The following THSD7A variants were observed in gnomAD, a reference collection of about 807,000 sequenced individuals.
THSD7A encodes the protein thrombospondin type 1 domain containing 7A.
THSD7A carries 96 observed loss-of-function variants against 231.3 expected under a neutral mutation model. The ratio of observed to expected loss-of-function variants is 0.41; its 90% CI spans 0.35 to 0.49. The LOEUF is 0.49. Among genes scored for constraint, THSD7A ranks in the 20% least tolerant of loss-of-function variants. The pLI is 0.05. For synonymous variants in THSD7A, 940 were observed against 743.3 expected (o/e 1.26, Z -4.30); for missense variants, 2,290 against 2,070.2 (o/e 1.11, Z -2.06).
intron 2 of THSD7A, among the ~76,000 whole-genome samples, chr7:11,627,363 A>G (rs1175257985): frequency 6.6e-6 from 1 of 152,066 alleles, no homozygotes; most frequent in African/African-American, 2.4e-5. Context: ...ATGTGTTGGT[A>G]TATAGCCTTA....
chr7:11,697,046 T>A (rs960466147), intron 1 of THSD7A, among the ~76,000 whole-genome samples: 3 of 151,434 alleles, frequency 2.0e-5, no homozygotes, highest in South Asian at 2.1e-4. Context: ...CCAAATTGAT[T>A]GCTATCTCCT....
At chr7:11,465,827 A>G (rs1466714260) in intron 9 of THSD7A, among the ~76,000 whole-genome samples, 1 of 152,286 alleles carries the variant, frequency 6.6e-6, no homozygotes, top group Non-Finnish European at 1.5e-5. Flanking sequence ...ATATTATTTG[A>G]TCAAAAGTAT....
intron 1 of THSD7A, among the ~76,000 whole-genome samples, chr7:11,767,094 T>C (rs1583273115): frequency 6.6e-6 from 1 of 152,176 alleles, no homozygotes; most frequent in East Asian, 1.9e-4. Flanking sequence ...TGCATGTATG[T>C]TTCTGTGTAT....
intron 6 of THSD7A, among the ~76,000 whole-genome samples, chr7:11,520,472 A>G (rs952309846): frequency 1.3e-5 from 2 of 152,154 alleles, no homozygotes; most frequent in African/African-American, 4.8e-5. Flanking sequence ...CTTGACAATT[A>G]TCTCTTATGC....
At chr7:11,520,423 G>C (rs10262713) in intron 6 of THSD7A, among the ~76,000 whole-genome samples, 24,572 of 152,030 alleles carry the variant, frequency 0.16, 2,345 homozygotes, top group African/African-American at 0.27. Context: ...TATAAGTTTT[G>C]ATAGTATGAC....
At chr7:11,431,464 C>A (rs1784475969) in intron 13 of THSD7A, among the ~76,000 whole-genome samples, 1 of 152,050 alleles carries the variant, frequency 6.6e-6, no homozygotes, top group Admixed American at 6.6e-5. Context: ...CTGTTCTTTC[C>A]TAATTGTTGT....
At chr7:11,681,927 A>G (rs573059723) in intron 1 of THSD7A, among the ~76,000 whole-genome samples, 5 of 152,100 alleles carry the variant, frequency 3.3e-5, no homozygotes, top group Non-Finnish European at 7.4e-5. Context: ...CAAACCTTAC[A>G]AGCCAGAAGC....
chr7:11,386,226 A>T (rs1005992649), intron 23 of THSD7A, among the ~76,000 whole-genome samples: 1 of 152,210 alleles, frequency 6.6e-6, no homozygotes, highest in Non-Finnish European at 1.5e-5. Context: ...CTTTATGTAT[A>T]TACCCAGTAA....
At chr7:11,714,083 G>A (rs1007940441) in intron 1 of THSD7A, among the ~76,000 whole-genome samples, 7 of 151,168 alleles carry the variant, frequency 4.6e-5, no homozygotes, top group African/African-American at 1.5e-4. Context: ...ATTTGTTAAT[G>A]AAGGTCACAG....
chr7:11,480,997 T>A (rs74336556), intron 7 of THSD7A, among the ~76,000 whole-genome samples: 316 of 152,326 alleles, frequency 2.1e-3, no homozygotes, highest in African/African-American at 7.2e-3. Flanking sequence ...CATGCCTTAA[T>A]ATGAACAAAC....
intron 1 of THSD7A, among the ~76,000 whole-genome samples, chr7:11,720,775 G>C (rs1182457288): frequency 6.6e-6 from 1 of 151,664 alleles, no homozygotes; most frequent in Non-Finnish European, 1.5e-5. Flanking sequence ...ATGTTCAGCA[G>C]TGTTAGACAT....
At chr7:11,538,026 A>T (rs76305318) in intron 6 of THSD7A, among the ~76,000 whole-genome samples, 10,986 of 152,172 alleles carry the variant, frequency 0.072, 591 homozygotes, top group East Asian at 0.17. Context: ...TTATACTGTA[A>T]CATTAATAGC....
At chr7:11,696,878 C>T (rs1780420043) in intron 1 of THSD7A, among the ~76,000 whole-genome samples, 1 of 151,276 alleles carries the variant, frequency 6.6e-6, no homozygotes, top group South Asian at 2.1e-4. Context: ...TATAATGAAA[C>T]ATGAGTTCAG....
At chr7:11,800,381 T>A (rs1350797295) in intron 1 of THSD7A, among the ~76,000 whole-genome samples, 1 of 152,062 alleles carries the variant, frequency 6.6e-6, no homozygotes, top group Admixed American at 6.6e-5. Context: ...AAACCCTGTC[T>A]CCACTAAAAA....
At chr7:11,824,705 T>A (rs1173316758) in intron 1 of THSD7A, among the ~76,000 whole-genome samples, 4 of 152,096 alleles carry the variant, frequency 2.6e-5, no homozygotes, top group Non-Finnish European at 5.9e-5. Flanking sequence ...TGGTGCTATA[T>A]AAATTACAAA....
chr7:11,407,486 G>A (rs1783626297), intron 19 of THSD7A, 63 bp from the exon 20 acceptor site: 2 of 1,249,436 alleles, frequency 1.6e-6, no homozygotes, highest in Admixed American at 2.0e-5. Context: ...CAGAGAATGA[G>A]GTGACAAGAA....
intron 6 of THSD7A, among the ~76,000 whole-genome samples, chr7:11,505,709 C>G (rs529615693): frequency 3.3e-5 from 5 of 152,184 alleles, no homozygotes; most frequent in African/African-American, 1.2e-4. Flanking sequence ...GGTGTTCAGT[C>G]AATAGGGTTA....
intron 23 of THSD7A, among the ~76,000 whole-genome samples, chr7:11,397,828 T>C (rs534097053): frequency 1.3e-5 from 2 of 152,154 alleles, no homozygotes; most frequent in African/African-American, 2.4e-5. Context: ...ATTAGAGAAA[T>C]GCAAATCAAA....
intron 17 of THSD7A, among the ~76,000 whole-genome samples, chr7:11,415,746 T>G (rs1282671535): frequency 6.6e-6 from 1 of 152,194 alleles, no homozygotes; most frequent in African/African-American, 2.4e-5. Flanking sequence ...TGAACACCTC[T>G]TCAGAAAACC....
Sources: allele counts gnomAD v4.1 joint callset (sites outside exome capture counted in the v4.1 genomes callset), GRCh38; gene constraint gnomAD v4.1.1; transcripts MANE v1.5; gene names NCBI Gene and HGNC (gene_info 2026-07-23, HGNC 2026-07-21).